The following SMOX variants were observed in gnomAD, a reference collection of about 807,000 sequenced individuals.
SMOX encodes the protein flavin containing amine oxidase.
In SMOX, 22 loss-of-function variants were observed where a neutral mutation model predicts 51.0. That is an observed-to-expected ratio of 0.43 (90% CI 0.31 to 0.62). SMOX has a LOEUF of 0.62. SMOX is among the 20% of genes least tolerant of loss of function. The pLI, the probability that SMOX is intolerant of heterozygous loss-of-function variation, is 0.10. For synonymous variants in SMOX, 282 were observed against 307.8 expected (o/e 0.92, Z 0.88); for missense variants, 566 against 777.7 (o/e 0.73, Z 3.24).
At chr20:4,155,437 C>T (rs1985974740) in intron 1 of SMOX, among the ~76,000 whole-genome samples, 2 of 152,116 alleles carry the variant, frequency 1.3e-5, no homozygotes, top group South Asian at 4.1e-4. Flanking sequence ...GGATGCTTCT[C>T]TCTGCTCTGC....
Position 4,187,611 on chromosome 20 carries a change from C to G in SMOX, c.*204C>G. The stretch of plus-strand genomic sequence containing the variant: ...GTGAGCAGGTGGGCCGTTGAGTTAC[C>G]TCTGTGCTGGATCCCGTGCCCCCAC... On this transcript the variant is annotated 3_prime_UTR_variant, in exon 7 of 7. Transcript: ENST00000305958. The surrounding 1 kb of genome is among the most constrained non-coding windows in gnomAD (Gnocchi z 4.8). 1 of 651,518 alleles carries G rather than the reference C, an allele frequency of 1.5e-6. No individual in the cohort carries two copies. Among genetic ancestry groups the G allele is most frequent in the Non-Finnish European group, 2.5e-6 (1 of 400,388 alleles). 40.4% of individuals were successfully genotyped at this position (651,518 alleles called of 1,614,324 possible). A position where few individuals can be genotyped will look rare whatever the true frequency, so the allele number is the denominator to read the frequency against.
At position 4,153,217 on chromosome 20, in the gene SMOX, G is replaced by C. The variant is rs1985848689; in HGVS notation, c.-27+4240G>C. Among the ~76,000 whole-genome samples, 1 of 152,202 alleles carries C rather than the reference G, an allele frequency of 6.6e-6. No individual in the cohort carries two copies. The highest frequency in any genetic ancestry group is 2.4e-5 in the African/African-American group (1 of 41,448). Reference sequence around the variant, plus strand: ...CACTGTGATTTTGGGGTGCTGGGAAGGTCTGCTGCTTCTGGTTCAGCTACC... The same window carrying C: ...CACTGTGATTTTGGGGTGCTGGGAACGTCTGCTGCTTCTGGTTCAGCTACC... On this transcript the variant is annotated intron_variant, in intron 1 of 6. Transcript: ENST00000305958. This position sits in a 1 kb window ranked among gnomAD's most constrained non-coding sequence, Gnocchi z 4.4.
intron 1 of SMOX, among the ~76,000 whole-genome samples, chr20:4,151,042 G>C (rs1318405161): frequency 6.6e-6 from 1 of 151,994 alleles, no homozygotes; most frequent in Non-Finnish European, 1.5e-5. Flanking sequence ...ATGTTGCCCA[G>C]GCTGGTCTCG....
chr20:4,183,546 C>T lies in SMOX; in HGVS notation c.1422C>T (p.Ser474=). The T allele has an allele frequency of 6.2e-7, 1 of 1,614,142 alleles. No individual in the cohort carries two copies. Among genetic ancestry groups the T allele is most frequent in the Non-Finnish European group, 8.5e-7 (1 of 1,179,988 alleles). The part of the protein sequence containing the change: ...PRRILRSAWG[S]NPYFRGSYSY... Reference sequence around the variant, plus strand: ...GAATCTTGCGCTCGGCCTGGGGCAGCAACCCTTACTTCCGCGGCTCCTATT... The same window carrying T: ...GAATCTTGCGCTCGGCCTGGGGCAGTAACCCTTACTTCCGCGGCTCCTATT... Residue 474 remains serine, a synonymous_variant, in exon 6 of 7, where the codon AGC becomes AGT. Transcript: ENST00000305958. This position sits in a 1 kb window ranked among gnomAD's most constrained non-coding sequence, Gnocchi z 4.3.
intron 1 of SMOX, among the ~76,000 whole-genome samples, chr20:4,162,791 C>T (rs565642913): frequency 6.6e-6 from 1 of 152,346 alleles, no homozygotes; most frequent in Admixed American, 6.5e-5. Context: ...AACGGTCTTT[C>T]CAAGATCACT....
In SMOX at chr20:4,177,499, C is replaced by T. The variant is rs200352813; in HGVS notation, c.357C>T (p.Gly119=). 16 of 1,590,596 alleles carry T rather than the reference C, an allele frequency of 1.0e-5. No individual in the cohort carries two copies. The highest frequency in any genetic ancestry group is 7.1e-5 in the Admixed American group (4 of 56,656). Residue 119 remains glycine, a synonymous_variant, in exon 3 of 7, where the codon GGC becomes GGT. Coordinates refer to ENST00000305958, the MANE Select transcript of SMOX (RefSeq NM_175839.3). The surrounding 1 kb of genome is among the most constrained non-coding windows in gnomAD (Gnocchi z 4.3). The part of the protein sequence containing the change: ...VGRISLYSKN[G]VACYLTNHGR... ...GCATCAGCCTCTATTCCAAGAATGG[C>T]GTGGCCTGCTACCTTACCAACCACG...
chr20:4,174,482 G>A (rs77596343), intron 1 of SMOX, among the ~76,000 whole-genome samples: 2,058 of 152,148 alleles, frequency 0.014, 45 homozygotes, highest in African/African-American at 0.047. Flanking sequence ...GTATCTTGGG[G>A]TCCAGGCAAG....
chr20:4,162,153 C>T (rs13041157), intron 1 of SMOX, among the ~76,000 whole-genome samples: 48,787 of 152,052 alleles, frequency 0.32, 9,415 homozygotes, highest in Non-Finnish European at 0.43. Context: ...GCCCAGGAAG[C>T]GCAGGGCGGC....
intron 2 of SMOX, chr20:4,175,915 A>T (rs1047772649): frequency 1.5e-4 from 8 of 52,826 alleles, no homozygotes; most frequent in East Asian, 5.7e-4. Flanking sequence ...TGGGGGGGGG[A>T]TGGTTTCTGA....
At chr20:4,158,273 G>A (rs1015466151) in intron 1 of SMOX, among the ~76,000 whole-genome samples, 27 of 152,124 alleles carry the variant, frequency 1.8e-4, no homozygotes, top group East Asian at 1.2e-3. Context: ...GACCTGACCC[G>A]AAGGCCCTGG....
At chr20:4,175,324 C>A in intron 2 of SMOX, 61 bp downstream of exon 2, 3 of 1,531,956 alleles carry the variant, frequency 2.0e-6, no homozygotes, top group Non-Finnish European at 2.7e-6. Context: ...TCCTAATTCC[C>A]GGCTCTGCCT....
At position 4,155,676 on chromosome 20, in the gene SMOX, G is replaced by C. The variant is rs16989270; in HGVS notation, c.-27+6699G>C. On this transcript the variant is annotated intron_variant, in intron 1 of 6. Transcript: ENST00000305958. ...ATGGGGTCGAATTAGCAATTTGCTT[G>C]GAAAAAACCATCCGGGTTGTTTTGG... Among the ~76,000 whole-genome samples the C allele has an allele frequency of 4.5e-3, 685 of 152,154 alleles. 5 individuals carry two copies. Among genetic ancestry groups the C allele is most frequent in the African/African-American group, 0.015 (631 of 41,518 alleles).
rs746012310 is a variant in SMOX, at chr20:4,183,600, G to C, written c.1476G>C (p.Ala492=). ...ACACGCAGGTGGGCTCCAGCGGGGC[G>C]GATGTGGAGAAGCTGGCCAAGCCCC... is the stretch of plus-strand genomic sequence containing the variant. ...YSYTQVGSSG[A]DVEKLAKPLP... is the part of the protein sequence containing the mutation. The change falls in exon 6 of 7, where the codon GCG becomes GCC. Residue 492 remains alanine (A), a synonymous_variant. Coordinates refer to ENST00000305958, the MANE Select transcript of SMOX (RefSeq NM_175839.3). The surrounding 1 kb of genome is among the most constrained non-coding windows in gnomAD (Gnocchi z 4.3). The C allele has an allele frequency of 3.3e-5, 53 of 1,608,088 alleles. No individual in the cohort carries two copies. In the South Asian group the frequency reaches 5.8e-4, roughly 17 times the overall value.
intron 6 of SMOX, among the ~76,000 whole-genome samples, chr20:4,185,719 C>A: frequency 9.6e-6 from 1 of 104,156 alleles, no homozygotes; most frequent in Non-Finnish European, 1.7e-5. Flanking sequence ...CATGGCGAAA[C>A]CCTGTCTCTA....
At chr20:4,173,229 G>A (rs1254592474) in intron 1 of SMOX, among the ~76,000 whole-genome samples, 1 of 152,150 alleles carries the variant, frequency 6.6e-6, no homozygotes, top group East Asian at 1.9e-4. Context: ...GCCCCCTTCA[G>A]TCATCTCCCT....
At chr20:4,186,977 T>TA (rs1979785880) in intron 6 of SMOX, 2 of 608,248 alleles carry the variant, frequency 3.3e-6, no homozygotes, top group Non-Finnish European at 3.0e-6. Context: ...AAGCAAGGCT[T>TA]AGGGAGGTTA....
chr20:4,173,672 C>T (rs1418440301), intron 1 of SMOX, among the ~76,000 whole-genome samples: 4 of 152,130 alleles, frequency 2.6e-5, no homozygotes, highest in East Asian at 1.9e-4. Context: ...GTTTGCTGTC[C>T]GGCAGCCACC....
intron 6 of SMOX, among the ~76,000 whole-genome samples, chr20:4,185,044 G>C (rs1452033741): frequency 6.6e-6 from 1 of 152,226 alleles, no homozygotes; most frequent in African/African-American, 2.4e-5. Context: ...TGAGTCAGCT[G>C]TGTCTCTAAG....
chr20:4,181,955 C>G lies in SMOX; in HGVS notation c.588C>G (p.Ala196=), dbSNP rs751022819. The G allele has an allele frequency of 2.5e-6, 4 of 1,614,090 alleles. No homozygotes were observed. The highest frequency in any genetic ancestry group is 3.3e-5 in the Admixed American group (2 of 60,014). ...AGGCTACCAAGCGCCTGAAGCTCGC[C>G]ATGATCCAGCAGTACCTGAAGGTAT... The part of the protein sequence containing the change: ...DPEATKRLKL[A]MIQQYLKVES... Residue 196 remains alanine, a synonymous_variant, in exon 4 of 7, where the codon GCC becomes GCG. Transcript: ENST00000305958. The surrounding 1 kb of genome is among the most constrained non-coding windows in gnomAD (Gnocchi z 5.6).
Sources: allele counts gnomAD v4.1 joint callset (sites outside exome capture counted in the v4.1 genomes callset), GRCh38; gene constraint gnomAD v4.1.1; non-coding constraint Gnocchi (gnomAD v3.1); transcripts MANE v1.5; gene names NCBI Gene and HGNC (gene_info 2026-07-23, HGNC 2026-07-21).